The following AXDND1 variants were observed in gnomAD, a reference collection of about 807,000 sequenced individuals.
AXDND1 encodes axonemal dynein light chain domain-containing protein 1.
AXDND1 carries 110 observed loss-of-function variants against 137.5 expected under a neutral mutation model. The observed-to-expected ratio is 0.80, with a 90% confidence interval of 0.69 to 0.94. The LOEUF is 0.94. AXDND1 is among the 40% of genes least tolerant of loss of function. The pLI is 0.00. For missense variants in AXDND1, 1,191 were observed against 1,169.8 expected, an observed-to-expected ratio of 1.02 and a Z score of -0.26; for synonymous variants, 414 against 399.7, an observed-to-expected ratio of 1.04 and a Z score of -0.43.
chr1:179,454,887 G>A (rs112165206), intron 16 of AXDND1: 18,584 of 151,770 alleles, frequency 0.12, 1,899 homozygotes, highest in African/African-American at 0.28. Context: ...TGAGGTCAGT[G>A]GTTTGAGACC....
chr1:179,549,937 A>G (rs569220972), intron 25 of AXDND1, among the ~76,000 whole-genome samples: 1 of 151,756 alleles, frequency 6.6e-6, no homozygotes, highest in East Asian at 1.9e-4. Flanking sequence ...GAGTTCCCCA[A>G]CCCATGTCCT....
chr1:179,458,759 C>A (rs1571920444), intron 16 of AXDND1, among the ~76,000 whole-genome samples: 2 of 151,824 alleles, frequency 1.3e-5, no homozygotes, highest in African/African-American at 4.8e-5. Flanking sequence ...AAATATAATA[C>A]TAAAACAAAT....
intron 18 of AXDND1, among the ~76,000 whole-genome samples, chr1:179,484,588 G>A (rs1665808571): frequency 6.6e-6 from 1 of 152,140 alleles, no homozygotes; most frequent in Non-Finnish European, 1.5e-5. Context: ...AGCTCCAGCA[G>A]AGCACCCCCA....
At chr1:179,497,748 T>C (rs1667590458) in intron 20 of AXDND1, among the ~76,000 whole-genome samples, 1 of 152,176 alleles carries the variant, frequency 6.6e-6, no homozygotes, top group Admixed American at 6.5e-5. Context: ...TAGGATTCTA[T>C]ACCTAGAAAA....
At chr1:179,467,539 A>G (rs12132312) in intron 16 of AXDND1, among the ~76,000 whole-genome samples, 1 of 152,094 alleles carries the variant, frequency 6.6e-6, no homozygotes, top group East Asian at 1.9e-4. Flanking sequence ...CATAGGTTAT[A>G]TGCAAATACC....
chr1:179,503,020 G>A (rs1010257651), intron 20 of AXDND1, among the ~76,000 whole-genome samples: 4 of 151,902 alleles, frequency 2.6e-5, no homozygotes, highest in Non-Finnish European at 4.4e-5. Context: ...ACTTGAACCC[G>A]GGAGGCGGAG....
chr1:179,398,515 A>G (rs12746253), intron 11 of AXDND1, among the ~76,000 whole-genome samples: 43,824 of 151,914 alleles, frequency 0.29, 6,518 homozygotes, highest in Non-Finnish European at 0.31. Context: ...GTGCATTCTC[A>G]TTGGCTGCAA....
intron 8 of AXDND1, 139 bp downstream of exon 8, chr1:179,383,683 C>A: frequency 1.6e-6 from 1 of 614,580 alleles, no homozygotes; most frequent in Non-Finnish European, 2.9e-6. Flanking sequence ...ACCTCAGTTT[C>A]CTCATCTGAA....
chr1:179,491,303 C>T (rs199589730), intron 18 of AXDND1, among the ~76,000 whole-genome samples: 1 of 152,022 alleles, frequency 6.6e-6, no homozygotes, highest in East Asian at 1.9e-4. Flanking sequence ...CAGAGTGACA[C>T]CCCGTTTCAA....
chr1:179,482,923 C>G (rs918446091), intron 17 of AXDND1, among the ~76,000 whole-genome samples: 1 of 150,820 alleles, frequency 6.6e-6, no homozygotes, highest in Non-Finnish European at 1.5e-5. Context: ...TTGCTACCTA[C>G]TTGGGGGTTA....
chr1:179,366,581 G>T lies in AXDND1; in HGVS notation c.72G>T (p.Val24=), dbSNP rs1338904835. The T allele has an allele frequency of 6.2e-7, 1 of 1,613,502 alleles. No homozygotes were observed. ...TSTSESKKLK[V]SVAKEGTRGL... ...CATCTGAGAGCAAAAAGTTAAAAGT[G>T]TCTGTAGCCAAGGAAGGGACAAGAG... The change falls in exon 2 of 26, where the codon GTG becomes GTT. Residue 24 remains valine, a synonymous_variant. Coordinates refer to ENST00000367618, the MANE Select transcript of AXDND1 (RefSeq NM_144696.6).
At chr1:179,483,093 C>A in intron 17 of AXDND1, 35 bp from the exon 18 acceptor site, 1 of 1,365,950 alleles carries the variant, frequency 7.3e-7, no homozygotes, top group South Asian at 1.3e-5. Flanking sequence ...TTTAAATCAG[C>A]CAGTCACTTT....
intron 16 of AXDND1, among the ~76,000 whole-genome samples, chr1:179,465,822 C>T (rs1015102680): frequency 2.6e-5 from 4 of 152,130 alleles, no homozygotes; most frequent in African/African-American, 4.8e-5. Context: ...TTAGCAATGG[C>T]GGACGCCCCT....
intron 18 of AXDND1, among the ~76,000 whole-genome samples, chr1:179,486,159 A>G (rs1306952465): frequency 1.4e-5 from 2 of 139,098 alleles, no homozygotes; most frequent in African/African-American, 5.1e-5. Context: ...GAAATGAAAA[A>G]CACACTACAA....
At chr1:179,536,940 T>C (rs1178129738) in intron 25 of AXDND1, among the ~76,000 whole-genome samples, 2 of 152,212 alleles carry the variant, frequency 1.3e-5, no homozygotes, top group African/African-American at 4.8e-5. Context: ...CCCTTGTAAG[T>C]TGTTTTCCTA....
intron 16 of AXDND1, among the ~76,000 whole-genome samples, chr1:179,466,922 G>A (rs1663278079): frequency 6.6e-6 from 1 of 152,034 alleles, no homozygotes; most frequent in South Asian, 2.1e-4. Context: ...GCTTTCTGAG[G>A]GCTGTTCTAT....
chr1:179,430,407 T>C (rs1286882822), intron 13 of AXDND1, 45 bp from the exon 14 acceptor site: 1 of 1,414,756 alleles, frequency 7.1e-7, no homozygotes, highest in Non-Finnish European at 9.6e-7. Flanking sequence ...CTATTTGTTA[T>C]ATACATAAAT....
At chr1:179,386,674 C>CT (rs1171380734) in intron 9 of AXDND1, among the ~76,000 whole-genome samples, 8 of 151,996 alleles carry the variant, frequency 5.3e-5, no homozygotes, top group Admixed American at 1.3e-4. Context: ...GTTCATTAAT[C>CT]TTTTTTTCCC....
At chr1:179,540,662 C>T (rs1434607490) in intron 25 of AXDND1, among the ~76,000 whole-genome samples, 4 of 152,188 alleles carry the variant, frequency 2.6e-5, no homozygotes. Context: ...AGTCAGGCTA[C>T]ACGGGGGTCA....
Sources: gnomAD v4.1 joint callset for allele counts (sites outside exome capture counted in the v4.1 genomes callset) on GRCh38, gnomAD v4.1.1 for gene constraint, MANE v1.5 for transcripts, NCBI Gene and HGNC (gene_info 2026-07-23, HGNC 2026-07-21) for gene names.